The following PLCB1 variants were observed in gnomAD, a reference collection of about 807,000 sequenced individuals.
PLCB1 encodes phospholipase C beta 1, also known as 1-phosphatidylinositol 4,5-bisphosphate phosphodiesterase beta-1.
PLCB1 carries 46 observed loss-of-function variants against 161.8 expected under a neutral mutation model. The ratio of observed to expected loss-of-function variants is 0.28; its 90% CI spans 0.22 to 0.36. The LOEUF (loss-of-function observed/expected upper bound fraction) is 0.36, where lower values mean the gene tolerates loss of function less well. Among genes scored for constraint, PLCB1 ranks in the 10% least tolerant of loss-of-function variants. The pLI is 1.00. For synonymous variants in PLCB1, 517 were observed against 503.7 expected (o/e 1.03, Z -0.35); for missense variants, 1,016 against 1,472.5 (o/e 0.69, Z 5.07).
At chr20:8,312,261 C>G (rs1046201129) in intron 2 of PLCB1, among the ~76,000 whole-genome samples, 1 of 152,110 alleles carries the variant, frequency 6.6e-6, no homozygotes, top group South Asian at 2.1e-4. Context: ...GCTTCTCAAG[C>G]GCGCATACAA....
chr20:8,507,445 A>T (rs1983682949), intron 3 of PLCB1, among the ~76,000 whole-genome samples: 1 of 152,222 alleles, frequency 6.6e-6, no homozygotes, highest in Admixed American at 6.5e-5. Context: ...GCAAATTGGA[A>T]GTTACTGCAT....
At chr20:8,489,552 T>G in intron 3 of PLCB1, among the ~76,000 whole-genome samples, 1 of 152,178 alleles carries the variant, frequency 6.6e-6, no homozygotes, top group East Asian at 1.9e-4. Context: ...AAAAGGTATC[T>G]TTCATTTAGT....
At chr20:8,365,252 T>G (rs903769162) in intron 2 of PLCB1, among the ~76,000 whole-genome samples, 1 of 152,220 alleles carries the variant, frequency 6.6e-6, no homozygotes, top group Non-Finnish European at 1.5e-5. Flanking sequence ...CAAGTGATAA[T>G]TTGAGGGAAG....
intron 2 of PLCB1, among the ~76,000 whole-genome samples, chr20:8,233,954 T>A (rs1252307863): frequency 6.6e-6 from 1 of 152,226 alleles, no homozygotes; most frequent in African/African-American, 2.4e-5. Context: ...TGTGTGGATG[T>A]TCCATTTATT....
chr20:8,300,079 G>T (rs1017862624), intron 2 of PLCB1, among the ~76,000 whole-genome samples: 2 of 152,150 alleles, frequency 1.3e-5, no homozygotes, highest in African/African-American at 4.8e-5. Context: ...CATGTCTGGG[G>T]ATCATCGAGC....
chr20:8,327,230 G>C (rs576849318), intron 2 of PLCB1, among the ~76,000 whole-genome samples: 99 of 152,308 alleles, frequency 6.5e-4, no homozygotes, highest in Non-Finnish European at 1.2e-3. Flanking sequence ...GCAGTTTAAT[G>C]TGACCCTACT....
intron 3 of PLCB1, among the ~76,000 whole-genome samples, chr20:8,585,135 G>A (rs6108159): frequency 0.22 from 33,001 of 152,056 alleles, 3,897 homozygotes; most frequent in South Asian, 0.37. Flanking sequence ...TTGGAGCTTC[G>A]GCTTACTTTT....
At chr20:8,198,507 C>A (rs2052053881) in intron 2 of PLCB1, among the ~76,000 whole-genome samples, 1 of 151,986 alleles carries the variant, frequency 6.6e-6, no homozygotes. Flanking sequence ...AAGAATCTTA[C>A]CTAGTATCTT....
chr20:8,659,739 C>G (rs961831801), intron 9 of PLCB1, among the ~76,000 whole-genome samples: 2 of 152,056 alleles, frequency 1.3e-5, no homozygotes, highest in African/African-American at 4.8e-5. Context: ...CGTCTGTAAT[C>G]CCAACACTTT....
chr20:8,790,254 A>G lies in PLCB1; in HGVS notation c.3416A>G (p.Lys1139Arg). 6.2e-7 allele frequency: 1 copy of G among 1,609,116 alleles called. No individual in the cohort carries two copies. ...KEIRQQILDEKPKLQVELEQE... is the reference protein window; with the variant it reads ...KEIRQQILDERPKLQVELEQE... ...ATACGTCAGCAGATCCTGGATGAAA[A>G]GCCCAAGGTAAACGGAACTGAATTA... The change falls in exon 31 of 32, where the codon AAG (lysine) becomes AGG (arginine). Residue 1139 changes from lysine (K) to arginine (R), a missense_variant. Coordinates refer to ENST00000338037, the MANE Select transcript of PLCB1 (RefSeq NM_015192.4).
At chr20:8,803,431 A>ATTTT (rs11404680) in intron 31 of PLCB1, among the ~76,000 whole-genome samples, 9 of 138,362 alleles carry the variant, frequency 6.5e-5, no homozygotes, top group Admixed American at 1.5e-4. Flanking sequence ...TGGGCCTTTG[A>ATTTT]TTTTTTTTTT....
intron 3 of PLCB1, among the ~76,000 whole-genome samples, chr20:8,478,916 A>T (rs1179324902): frequency 6.6e-6 from 1 of 152,194 alleles, no homozygotes; most frequent in Non-Finnish European, 1.5e-5. Flanking sequence ...TTATACATGT[A>T]AAAAGCTTGG....
intron 1 of PLCB1, among the ~76,000 whole-genome samples, chr20:8,143,707 G>A (rs6039049): frequency 0.24 from 37,188 of 152,108 alleles, 4,928 homozygotes; most frequent in East Asian, 0.35. Context: ...AAAGAGCCAA[G>A]GAACACAAGA....
chr20:8,250,852 A>G (rs1981103266), intron 2 of PLCB1, among the ~76,000 whole-genome samples: 1 of 152,008 alleles, frequency 6.6e-6, no homozygotes, highest in Non-Finnish European at 1.5e-5. Context: ...CTGTGGATTC[A>G]GAGATGAAAA....
intron 9 of PLCB1, among the ~76,000 whole-genome samples, chr20:8,662,467 A>G (rs1989700563): frequency 7.3e-6 from 1 of 136,868 alleles, no homozygotes; most frequent in South Asian, 2.2e-4. Context: ...TTATATAATT[A>G]TGTATAATAT....
At chr20:8,841,468 A>G (rs1192615439) in intron 31 of PLCB1, among the ~76,000 whole-genome samples, 3 of 152,228 alleles carry the variant, frequency 2.0e-5, no homozygotes, top group Admixed American at 2.0e-4. Flanking sequence ...TTTTCCTTCT[A>G]AAACAGATCA....
chr20:8,556,978 T>TA (rs1352893607), intron 3 of PLCB1, among the ~76,000 whole-genome samples: 2 of 114,984 alleles, frequency 1.7e-5, no homozygotes, highest in African/African-American at 6.6e-5. Context: ...TGATAATAAA[T>TA]AAATAAAATA....
At chr20:8,537,773 A>C (rs1044911141) in intron 3 of PLCB1, among the ~76,000 whole-genome samples, 1 of 152,232 alleles carries the variant, frequency 6.6e-6, no homozygotes, top group Non-Finnish European at 1.5e-5. Context: ...ATCTATCAGA[A>C]TAGAGCAGTG....
At chr20:8,184,954 C>T (rs2051886665) in intron 2 of PLCB1, among the ~76,000 whole-genome samples, 2 of 151,884 alleles carry the variant, frequency 1.3e-5, no homozygotes, top group Admixed American at 6.6e-5. Context: ...CCCCCACTCC[C>T]CAACAGGCCC....
Sources: allele counts gnomAD v4.1 joint callset (sites outside exome capture counted in the v4.1 genomes callset), GRCh38; gene constraint gnomAD v4.1.1; transcripts MANE v1.5; gene names NCBI Gene and HGNC (gene_info 2026-07-23, HGNC 2026-07-21).